The following RNGTT variants were observed in gnomAD, a reference collection of about 807,000 sequenced individuals.
RNGTT encodes RNA guanylyltransferase and 5'-phosphatase, also known as mRNA-capping enzyme.
A neutral mutation model predicts 79.3 loss-of-function variants in RNGTT; 33 were observed. The observed-to-expected ratio is 0.42, with a 90% confidence interval of 0.32 to 0.56. RNGTT has a LOEUF of 0.56. Ranked by LOEUF, RNGTT falls within the 20% of genes least tolerant of loss-of-function variation. The pLI is 0.17. For synonymous variants in RNGTT, 222 were observed against 235.9 expected (o/e 0.94, Z 0.54); for missense variants, 497 against 739.1 (o/e 0.67, Z 3.80).
intron 4 of RNGTT, among the ~76,000 whole-genome samples, chr6:88,928,741 T>C (rs771741395): frequency 1.2e-4 from 18 of 152,162 alleles, no homozygotes; most frequent in Non-Finnish European, 2.2e-4. Flanking sequence ...ATGTAGTGTT[T>C]AGGATAGACT....
intron 13 of RNGTT, among the ~76,000 whole-genome samples, chr6:88,701,090 AGGAAGAAGT>A (rs1775929124): frequency 6.6e-6 from 1 of 152,052 alleles, no homozygotes; most frequent in Non-Finnish European, 1.5e-5. Flanking sequence ...ATGGAAGAAG[AGGAAGAAGT>A]GGAAGAAGAA....
intron 8 of RNGTT, among the ~76,000 whole-genome samples, chr6:88,880,687 T>C (rs1782669437): frequency 6.6e-6 from 1 of 152,166 alleles, no homozygotes; most frequent in Admixed American, 6.5e-5. Flanking sequence ...TAAAACCATT[T>C]GGTTTTTACC....
intron 1 of RNGTT, among the ~76,000 whole-genome samples, chr6:88,951,193 G>T (rs1056940228): frequency 6.6e-6 from 1 of 152,140 alleles, no homozygotes; most frequent in African/African-American, 2.4e-5. Flanking sequence ...GCCTGAAGAC[G>T]TGACCAAATT....
chr6:88,897,007 CATTG>C (rs1445364636), intron 6 of RNGTT, among the ~76,000 whole-genome samples: 4 of 152,176 alleles, frequency 2.6e-5, no homozygotes, highest in African/African-American at 9.7e-5. Flanking sequence ...ATACAACTCA[CATTG>C]ATTGAGTGCC....
chr6:88,794,143 G>GTGTC (rs1779512408), intron 12 of RNGTT, among the ~76,000 whole-genome samples: 1 of 152,152 alleles, frequency 6.6e-6, no homozygotes, highest in Non-Finnish European at 1.5e-5. Context: ...ATATTCAGTG[G>GTGTC]TGTCTGTTTG....
intron 12 of RNGTT, among the ~76,000 whole-genome samples, chr6:88,796,069 G>C (rs927318704): frequency 1.3e-5 from 2 of 152,298 alleles, no homozygotes; most frequent in South Asian, 4.1e-4. Context: ...ACAGTGGCAA[G>C]TCCAAGACAT....
At chr6:88,826,034 T>C (rs145277767) in intron 11 of RNGTT, among the ~76,000 whole-genome samples, 16 of 152,340 alleles carry the variant, frequency 1.1e-4, no homozygotes, top group East Asian at 3.9e-4. Flanking sequence ...TTGGGAAATA[T>C]ATACTTCCCC....
chr6:88,943,640 T>C (rs566738134), intron 1 of RNGTT, among the ~76,000 whole-genome samples: 1 of 150,826 alleles, frequency 6.6e-6, no homozygotes, highest in East Asian at 1.9e-4. Flanking sequence ...TAGGAAAATA[T>C]AAATCATGAG....
chr6:88,698,610 T>G (rs1775839055), intron 13 of RNGTT, among the ~76,000 whole-genome samples: 1 of 151,978 alleles, frequency 6.6e-6, no homozygotes. Context: ...TATTTTATCT[T>G]TTCTTTTGAT....
At chr6:88,738,640 C>T (rs1175827956) in intron 13 of RNGTT, among the ~76,000 whole-genome samples, 5 of 151,960 alleles carry the variant, frequency 3.3e-5, no homozygotes, top group South Asian at 2.1e-4. Context: ...AGTGAGACCC[C>T]GTCTCAAAAC....
intron 13 of RNGTT, among the ~76,000 whole-genome samples, chr6:88,700,888 G>T (rs964521555): frequency 3.3e-5 from 5 of 152,080 alleles, no homozygotes; most frequent in African/African-American, 9.7e-5. Context: ...GTTTAAATTA[G>T]TTGCATGCAT....
At chr6:88,946,955 GC>G (rs1367668976) in intron 1 of RNGTT, among the ~76,000 whole-genome samples, 2 of 99,092 alleles carry the variant, frequency 2.0e-5, no homozygotes, top group African/African-American at 8.0e-5. Context: ...GCTCAATGGT[GC>G]CCAGGCTGGA....
chr6:88,912,251 A>AG (rs1783850322), intron 4 of RNGTT, among the ~76,000 whole-genome samples: 1 of 151,980 alleles, frequency 6.6e-6, no homozygotes, highest in Non-Finnish European at 1.5e-5. Flanking sequence ...AAAAAAAAAA[A>AG]AATGCTGAAA....
chr6:88,772,954 G>C (rs1778741262), intron 12 of RNGTT, among the ~76,000 whole-genome samples: 1 of 151,626 alleles, frequency 6.6e-6, no homozygotes, highest in Non-Finnish European at 1.5e-5. Context: ...ATTTGACCCA[G>C]CCATCCCATT....
At chr6:88,616,080 G>A (rs1490241813) in intron 14 of RNGTT, among the ~76,000 whole-genome samples, 2 of 152,090 alleles carry the variant, frequency 1.3e-5, no homozygotes, top group Non-Finnish European at 2.9e-5. Flanking sequence ...TACTTCATAC[G>A]AGTATTAACA....
chr6:88,878,981 T>C (rs1782606018), intron 8 of RNGTT, among the ~76,000 whole-genome samples: 1 of 152,204 alleles, frequency 6.6e-6, no homozygotes, highest in Admixed American at 6.5e-5. Flanking sequence ...ACACTATACC[T>C]GTCTGAACAT....
chr6:88,656,745 C>A (rs1326200591), intron 14 of RNGTT, among the ~76,000 whole-genome samples: 1 of 150,060 alleles, frequency 6.7e-6, no homozygotes, highest in East Asian at 2.0e-4. Flanking sequence ...TGAAAAAGAA[C>A]CTTCCCCATG....
At chr6:88,634,885 G>C (rs1411794620) in intron 14 of RNGTT, among the ~76,000 whole-genome samples, 3 of 152,018 alleles carry the variant, frequency 2.0e-5, no homozygotes, top group African/African-American at 7.2e-5. Context: ...AGGTTAAAAT[G>C]AAGTATTATA....
chr6:88,843,084 A>AAAC (rs1445442172), intron 11 of RNGTT, among the ~76,000 whole-genome samples: 1 of 151,468 alleles, frequency 6.6e-6, no homozygotes, highest in African/African-American at 2.4e-5. Context: ...AAACAAAACA[A>AAAC]AACAAAACAA....
Sources: allele counts gnomAD v4.1 joint callset (sites outside exome capture counted in the v4.1 genomes callset), GRCh38; gene constraint gnomAD v4.1.1; transcripts MANE v1.5; gene names NCBI Gene and HGNC (gene_info 2026-07-23, HGNC 2026-07-21).